The following PCSK2 variants were observed in gnomAD, a reference collection of about 807,000 sequenced individuals.
The protein encoded by PCSK2 is proprotein convertase subtilisin/kexin type 2, also known as neuroendocrine convertase 2.
Under a neutral mutation model 69.7 loss-of-function variants are expected in PCSK2, and 14 were observed. The observed-to-expected ratio is 0.20, with a 90% confidence interval of 0.13 to 0.31. The LOEUF (loss-of-function observed/expected upper bound fraction) is 0.31, where lower values mean the gene tolerates loss of function less well. Ranked by LOEUF, PCSK2 falls within the 10% of genes least tolerant of loss-of-function variation. The pLI is 1.00. For missense variants in PCSK2, 544 were observed against 842.5 expected (o/e 0.65, Z 4.39); for synonymous variants, 307 against 320.7 (o/e 0.96, Z 0.46).
At chr20:17,351,150 A>G (rs990843462) in intron 2 of PCSK2, among the ~76,000 whole-genome samples, 2 of 152,196 alleles carry the variant, frequency 1.3e-5, no homozygotes, top group Non-Finnish European at 2.9e-5. Flanking sequence ...TAACTGGCAC[A>G]TCATAGAGAG....
intron 2 of PCSK2, among the ~76,000 whole-genome samples, chr20:17,320,432 C>T (rs1341481433): frequency 1.3e-5 from 2 of 152,238 alleles, no homozygotes; most frequent in Non-Finnish European, 2.9e-5. Context: ...TGTCTCCCCT[C>T]CCTAGCCAGC....
chr20:17,338,940 A>G (rs1424193464), intron 2 of PCSK2, among the ~76,000 whole-genome samples: 2 of 152,264 alleles, frequency 1.3e-5, no homozygotes, highest in Non-Finnish European at 2.9e-5. Context: ...TAGAACTCTT[A>G]GAAAGGATAT....
intron 2 of PCSK2, among the ~76,000 whole-genome samples, chr20:17,270,709 A>T (rs1433347242): frequency 6.6e-6 from 1 of 152,144 alleles, no homozygotes; most frequent in Admixed American, 6.6e-5. Flanking sequence ...CAACTTAGAG[A>T]ATCAACATGA....
chr20:17,439,200 A>G (rs566685612), intron 8 of PCSK2, among the ~76,000 whole-genome samples: 8 of 152,082 alleles, frequency 5.3e-5, no homozygotes, highest in African/African-American at 1.9e-4. Context: ...CAGTGGCACA[A>G]TCTCAGCTCA....
At position 17,303,866 on chromosome 20, in the gene PCSK2, G is replaced by A. The variant is rs185408059; in HGVS notation, c.282+43522G>A. Among the ~76,000 whole-genome samples, 388 of 140,868 alleles carry A rather than the reference G, an allele frequency of 2.8e-3. 1 individual carries two copies. Among genetic ancestry groups the A allele is most frequent in the Middle Eastern group, 0.011 (3 of 280 alleles). 92.4% of individuals were successfully genotyped at this position (140,868 alleles called of 152,430 possible). A position where few individuals can be genotyped will look rare whatever the true frequency, so the allele number is the denominator to read the frequency against. ...AAGTGCTGGGATTACAGGTGTGAAC[G>A]ACCGTGCCTGGCCTATATATATATT... On this transcript the variant is annotated intron_variant, in intron 2 of 11. Transcript: ENST00000262545.
intron 1 of PCSK2, among the ~76,000 whole-genome samples, chr20:17,252,498 C>A (rs1251726220): frequency 6.6e-6 from 1 of 152,206 alleles, no homozygotes; most frequent in African/African-American, 2.4e-5. Flanking sequence ...ACTTTTCATG[C>A]ATTATCTCAC....
intron 2 of PCSK2, among the ~76,000 whole-genome samples, chr20:17,263,704 T>C (rs1242626027): frequency 6.6e-6 from 1 of 152,220 alleles, no homozygotes; most frequent in African/African-American, 2.4e-5. Flanking sequence ...ACTGTTTCAT[T>C]ACTTCCAAGT....
chr20:17,335,043 A>G (rs1052616442), intron 2 of PCSK2, among the ~76,000 whole-genome samples: 6 of 152,244 alleles, frequency 3.9e-5, no homozygotes, highest in Non-Finnish European at 5.9e-5. Flanking sequence ...TTATTCAGTT[A>G]CTATTGCTGT....
rs181949795 is a variant in PCSK2, at chr20:17,435,401, A to T, written c.710-1307A>T. 5.9e-5 allele frequency among the ~76,000 whole-genome samples: 9 copies of T among 152,360 alleles called. No homozygotes were observed. In the East Asian group the frequency reaches 1.7e-3, roughly 29 times the overall value. On this transcript the variant is annotated intron_variant, in intron 7 of 11. Transcript: ENST00000262545. ...TGCGATAGAAGGTTAAAGGTACACA[A>T]GAAGAGGGCTATGAGCACTGAAGAG... is the stretch of plus-strand genomic sequence containing the variant.
At chr20:17,449,227 G>A (rs1216957632) in intron 8 of PCSK2, among the ~76,000 whole-genome samples, 12 of 152,126 alleles carry the variant, frequency 7.9e-5, no homozygotes, top group Admixed American at 7.2e-4. Flanking sequence ...CTGAGCATGA[G>A]CTGCAGGATT....
intron 2 of PCSK2, among the ~76,000 whole-genome samples, chr20:17,351,488 A>G (rs1023664672): frequency 6.6e-6 from 1 of 152,188 alleles, no homozygotes; most frequent in Non-Finnish European, 1.5e-5. Context: ...GCACATCAAA[A>G]AGTCAATTCA....
intron 2 of PCSK2, among the ~76,000 whole-genome samples, chr20:17,301,103 AAAGC>A (rs1256585960): frequency 2.1e-4 from 32 of 152,372 alleles, no homozygotes; most frequent in African/African-American, 7.0e-4. Flanking sequence ...ATCAATTTAG[AAAGC>A]AAGACACTAG....
At chr20:17,475,417 G>C (rs2033274187) in intron 11 of PCSK2, among the ~76,000 whole-genome samples, 3 of 151,996 alleles carry the variant, frequency 2.0e-5, no homozygotes, top group Admixed American at 2.0e-4. Context: ...CTCAGGTTTA[G>C]TCTAATCCAT....
At chr20:17,449,526 G>GTATATATATATATATATA in intron 8 of PCSK2, among the ~76,000 whole-genome samples, 1 of 130,690 alleles carries the variant, frequency 7.7e-6, no homozygotes, top group African/African-American at 3.0e-5. Context: ...ATGTATGTAT[G>GTATATATATATATATATA]TATATATATA....
intron 11 of PCSK2, chr20:17,479,003 GCA>G: frequency 1.3e-6 from 1 of 797,488 alleles, no homozygotes; most frequent in East Asian, 2.7e-5. Flanking sequence ...TTGTCATCTA[GCA>G]CACTAATAAA....
intron 5 of PCSK2, among the ~76,000 whole-genome samples, chr20:17,378,310 C>T (rs116138216): frequency 0.018 from 2,757 of 152,230 alleles, 80 homozygotes; most frequent in African/African-American, 0.063. Context: ...GAAGCTTCAT[C>T]AATACGATAC....
At chr20:17,474,131 T>TC (rs1225737821) in intron 11 of PCSK2, among the ~76,000 whole-genome samples, 1 of 152,126 alleles carries the variant, frequency 6.6e-6, no homozygotes, top group Non-Finnish European at 1.5e-5. Context: ...CTTGTTCAGG[T>TC]CCCCTTCACT....
At chr20:17,304,129 A>G (rs1477397234) in intron 2 of PCSK2, among the ~76,000 whole-genome samples, 3 of 152,058 alleles carry the variant, frequency 2.0e-5, no homozygotes, top group Non-Finnish European at 4.4e-5. Context: ...TAATAAGCAT[A>G]ACAATTTCTT....
chr20:17,409,397 T>C, intron 6 of PCSK2, 58 bp downstream of exon 6: 1 of 1,225,602 alleles, frequency 8.2e-7, no homozygotes, highest in Non-Finnish European at 1.2e-6. Context: ...TATTCTACTT[T>C]GTTTTGTTTC....
Sources: allele counts gnomAD v4.1 joint callset (sites outside exome capture counted in the v4.1 genomes callset), GRCh38; gene constraint gnomAD v4.1.1; transcripts MANE v1.5; gene names NCBI Gene and HGNC (gene_info 2026-07-23, HGNC 2026-07-21).